The following DYNC2H1 variants were observed in gnomAD, a reference collection of about 807,000 sequenced individuals.
DYNC2H1 encodes the protein cytoplasmic dynein 2 heavy chain 1.
In DYNC2H1, 410 loss-of-function variants were observed where a neutral mutation model predicts 570.0. The ratio of observed to expected loss-of-function variants is 0.72; its 90% CI spans 0.66 to 0.78. The LOEUF is 0.78. DYNC2H1 is among the 30% of genes least tolerant of loss of function. DYNC2H1 has a pLI of 0.00. For missense variants in DYNC2H1, 4,865 were observed against 5,046.4 expected (o/e 0.96, Z 1.09); for synonymous variants, 1,688 against 1,677.6 (o/e 1.01, Z -0.15).
In DYNC2H1 at chr11:103,209,896, T is replaced by C. The variant is rs1171498744; in HGVS notation, c.8475T>C (p.Ser2825=). ...SMKKIPEMLF[S]ETGGGEKYND... ...TTTAGATACCTGAAATGTTATTCAGTGAAACAGGTGGTGGAGAAAAATACA... is the reference window on the plus strand; with the variant it reads ...TTTAGATACCTGAAATGTTATTCAGCGAAACAGGTGGTGGAGAAAAATACA... Residue 2825 remains serine, a synonymous_variant, in exon 53 of 89, where the codon AGT becomes AGC. Coordinates refer to ENST00000375735, the MANE Select transcript of DYNC2H1 (RefSeq NM_001377.3). This position sits in a 1 kb window ranked among gnomAD's most constrained non-coding sequence, Gnocchi z 4.2. The C allele has an allele frequency of 3.3e-6, 5 of 1,495,010 alleles. No individual in the cohort carries two copies. The highest frequency in any genetic ancestry group is 1.3e-5 in the South Asian group (1 of 75,998). 92.6% of individuals were successfully genotyped at this position (1,495,010 alleles called of 1,614,324 possible).
chr11:103,416,045 C>T (rs1943268593), intron 84 of DYNC2H1, among the ~76,000 whole-genome samples: 1 of 152,134 alleles, frequency 6.6e-6, no homozygotes, highest in African/African-American at 2.4e-5. Context: ...CAAATGATCA[C>T]AAGGACAGAA....
rs1213908582 is a variant in DYNC2H1 at position 103,228,022 on chromosome 11, C to T, written c.9354-3238C>T. ...AGCTACTCTTGCTTACTTTTGGTGTCCATTTGCATGGAATATGTTTTTCCA... is the reference window on the plus strand; with the variant it reads ...AGCTACTCTTGCTTACTTTTGGTGTTCATTTGCATGGAATATGTTTTTCCA... On this transcript the variant is annotated intron_variant, in intron 59 of 88. Coordinates refer to ENST00000375735, the MANE Select transcript of DYNC2H1 (RefSeq NM_001377.3). The surrounding 1 kb of genome is among the most constrained non-coding windows in gnomAD (Gnocchi z 6.1). 1.3e-5 allele frequency among the ~76,000 whole-genome samples: 2 copies of T among 152,058 alleles called. No homozygotes were observed. Among genetic ancestry groups the T allele is most frequent in the Non-Finnish European group, 2.9e-5 (2 of 68,006 alleles).
chr11:103,124,304 G>A (rs1329150745), intron 11 of DYNC2H1, among the ~76,000 whole-genome samples: 1 of 151,804 alleles, frequency 6.6e-6, no homozygotes, highest in African/African-American at 2.4e-5. Context: ...AAAATTAGCC[G>A]AACATGGTGG....
rs12274424 is a variant in DYNC2H1, at chr11:103,184,607, A to T, written c.6478-289A>T. On this transcript the variant is annotated intron_variant, in intron 40 of 88. Coordinates refer to ENST00000375735, the MANE Select transcript of DYNC2H1 (RefSeq NM_001377.3). Reference sequence around the variant, plus strand: ...TATTCTTTTTGGAACAATGCTCCCTAACTTACCTTTTCTTTTATATTCTTC... The same window carrying T: ...TATTCTTTTTGGAACAATGCTCCCTTACTTACCTTTTCTTTTATATTCTTC... Among the ~76,000 whole-genome samples, 5,747 of 151,990 alleles carry T rather than the reference A, an allele frequency of 0.038. 367 individuals carry two copies. The highest frequency in any genetic ancestry group is 0.13 in the African/African-American group (5,464 of 41,512).
chr11:103,340,969 C>G (rs916686543), intron 82 of DYNC2H1, among the ~76,000 whole-genome samples: 1 of 151,826 alleles, frequency 6.6e-6, no homozygotes, highest in East Asian at 1.9e-4. Context: ...AAACTCCAAG[C>G]AGAATTTGGG....
intron 83 of DYNC2H1, among the ~76,000 whole-genome samples, chr11:103,374,150 T>A (rs532950333): frequency 1.2e-3 from 182 of 152,308 alleles, no homozygotes; most frequent in African/African-American, 4.2e-3. Flanking sequence ...AATGATATGG[T>A]TTGACCATGT....
At chr11:103,146,784 G>A (rs899358978) in intron 18 of DYNC2H1, among the ~76,000 whole-genome samples, 3 of 151,912 alleles carry the variant, frequency 2.0e-5, no homozygotes, top group African/African-American at 7.3e-5. Context: ...TATATTTTTA[G>A]TAGAGACAGG....
intron 88 of DYNC2H1, among the ~76,000 whole-genome samples, chr11:103,470,189 C>A (rs1164759183): frequency 6.6e-6 from 1 of 152,092 alleles, no homozygotes; most frequent in African/African-American, 2.4e-5. Flanking sequence ...CAATCTGTTA[C>A]TGGGTTGTAT....
At chr11:103,317,604 A>G (rs1053336884) in intron 80 of DYNC2H1, among the ~76,000 whole-genome samples, 1 of 152,148 alleles carries the variant, frequency 6.6e-6, no homozygotes, top group Non-Finnish European at 1.5e-5. Flanking sequence ...CTATATCCAT[A>G]TTTGGCATCT....
intron 73 of DYNC2H1, 25 bp downstream of exon 73, chr11:103,283,110 T>C (rs777692540): frequency 4.5e-6 from 7 of 1,562,710 alleles, no homozygotes; most frequent in Non-Finnish European, 6.1e-6. Context: ...CTATGAGACA[T>C]GTTTTAATTT....
chr11:103,284,962 G>A (rs892462009), intron 73 of DYNC2H1, among the ~76,000 whole-genome samples: 16 of 152,210 alleles, frequency 1.1e-4, no homozygotes, highest in African/African-American at 3.6e-4. Flanking sequence ...GCCTCTGAAA[G>A]ATGATATTGT....
At chr11:103,429,488 T>C (rs1943811607) in intron 84 of DYNC2H1, among the ~76,000 whole-genome samples, 1 of 152,086 alleles carries the variant, frequency 6.6e-6, no homozygotes, top group Admixed American at 6.6e-5. Flanking sequence ...GCTACAGAAA[T>C]ACTGTGATGT....
chr11:103,303,076 T>C lies in DYNC2H1; in HGVS notation c.11096-17T>C. 1 of 1,423,720 alleles carries C rather than the reference T, an allele frequency of 7.0e-7. No individual in the cohort carries two copies. The highest frequency in any genetic ancestry group is 1.5e-5 in the African/African-American group (1 of 68,842). The allele number at this position is 1,423,720 out of a possible 1,614,324, so 88.2% of individuals were successfully genotyped here. The stretch of plus-strand genomic sequence containing the variant: ...GCATACTGCTTTTATTTTTAATTTT[T>C]AAAATATATATTTTAGGACTGAAAG... On this transcript the variant is annotated splice_polypyrimidine_tract_variant and intron_variant, in intron 75 of 88. Coordinates refer to ENST00000375735, the MANE Select transcript of DYNC2H1 (RefSeq NM_001377.3).
Position 103,319,686 on chromosome 11 carries a change from T to C in DYNC2H1, c.11726-1343T>C, listed in dbSNP as rs560201057. ...GGTAGAAAAAAATAAGATTTTCTTA[T>C]AAAAATTCGATAAAATATTTCACAT... On this transcript the variant is annotated intron_variant, in intron 80 of 88. Transcript: ENST00000375735. The surrounding 1 kb of genome is among the most constrained non-coding windows in gnomAD (Gnocchi z 4.3). 5.3e-5 allele frequency among the ~76,000 whole-genome samples: 8 copies of C among 152,310 alleles called. No individual in the cohort carries two copies. Among genetic ancestry groups the C allele is most frequent in the Non-Finnish European group, 1.0e-4 (7 of 68,004 alleles).
At chr11:103,226,947 C>A (rs891256203) in intron 59 of DYNC2H1, among the ~76,000 whole-genome samples, 1 of 152,098 alleles carries the variant, frequency 6.6e-6, no homozygotes, top group Non-Finnish European at 1.5e-5. Context: ...ATTTATCCAT[C>A]TCCTCTGGGT....
Position 103,283,002 on chromosome 11 carries a change from T to C in DYNC2H1, c.10813-6T>C. The C allele has an allele frequency of 6.3e-7, 1 of 1,596,476 alleles. No homozygotes were observed. Among genetic ancestry groups the C allele is most frequent in the Non-Finnish European group, 8.5e-7 (1 of 1,171,634 alleles). ...ATACTAAGGAAAATAATTGCTTTTA[T>C]TAAAGGACTCTCAACAAAAAATACG... On this transcript the variant is annotated splice_region_variant and splice_polypyrimidine_tract_variant and intron_variant, in intron 72 of 88. Coordinates refer to ENST00000375735, the MANE Select transcript of DYNC2H1 (RefSeq NM_001377.3).
intron 70 of DYNC2H1, among the ~76,000 whole-genome samples, chr11:103,272,124 A>C (rs1436614022): frequency 6.6e-6 from 1 of 152,182 alleles, no homozygotes; most frequent in African/African-American, 2.4e-5. Flanking sequence ...ACATGCACAC[A>C]TATGTTTATT....
At chr11:103,165,835 A>C in intron 30 of DYNC2H1, 63 bp from the exon 31 acceptor site, 1 of 1,346,310 alleles carries the variant, frequency 7.4e-7, no homozygotes, top group Non-Finnish European at 9.8e-7. Context: ...CCTTTCTTTA[A>C]ATTTATAAAA....
At chr11:103,453,192 A>C (rs1349823570) in intron 85 of DYNC2H1, among the ~76,000 whole-genome samples, 1 of 152,102 alleles carries the variant, frequency 6.6e-6, no homozygotes, top group Non-Finnish European at 1.5e-5. Context: ...ATCCTTTAAA[A>C]GGGGCATAGC....
Sources: allele counts gnomAD v4.1 joint callset (sites outside exome capture counted in the v4.1 genomes callset), GRCh38; gene constraint gnomAD v4.1.1; non-coding constraint Gnocchi (gnomAD v3.1); transcripts MANE v1.5; gene names NCBI Gene and HGNC (gene_info 2026-07-23, HGNC 2026-07-21).